The following TPO variants were observed in gnomAD, a reference collection of about 807,000 sequenced individuals.
TPO encodes the protein thyroid peroxidase, also known as thyroid microsomal antigen.
In TPO, 78 loss-of-function variants were observed where a neutral mutation model predicts 96.9. The ratio of observed to expected loss-of-function variants is 0.81; its 90% confidence interval spans 0.67 to 0.97. The LOEUF is 0.97. Among genes scored for constraint, TPO ranks in the 50% least tolerant of loss-of-function variants. TPO has a pLI of 0.00. For missense variants in TPO, 1,252 were observed against 1,274.8 expected, an observed-to-expected ratio of 0.98 and a Z score of 0.27; for synonymous variants, 547 against 538.0, an observed-to-expected ratio of 1.02 and a Z score of -0.23.
intron 8 of TPO, among the ~76,000 whole-genome samples, chr2:1,481,321 A>G (rs1670619923): frequency 2.0e-5 from 3 of 152,206 alleles, no homozygotes; most frequent in Non-Finnish European, 4.4e-5. Flanking sequence ...GGAGGTAGCC[A>G]TCCTCGGGGA....
At chr2:1,381,914 G>A (rs774398596) in intron 1 of TPO, among the ~76,000 whole-genome samples, 1 of 152,102 alleles carries the variant, frequency 6.6e-6, no homozygotes, top group African/African-American at 2.4e-5. Context: ...TCATGAAATT[G>A]TTGAGAATTA....
intron 15 of TPO, among the ~76,000 whole-genome samples, chr2:1,528,990 A>AAAATCCCCCCACTGTGAGTAACCTCCTC (rs1677319724): frequency 1.1e-5 from 1 of 88,706 alleles, no homozygotes; most frequent in South Asian, 4.1e-4. Context: ...GTAACCTCCT[A>AAAATCCCCCCACTGTGAGTAACCTCCTC]AAATCCCCCC....
chr2:1,496,447 C>G, intron 12 of TPO, 148 bp from the exon 13 acceptor site: 1 of 1,172,846 alleles, frequency 8.5e-7, no homozygotes, highest in South Asian at 1.3e-5. Context: ...GTGTGTGCTG[C>G]GTGGGTGCTC....
chr2:1,542,628 A>G lies in TPO; in HGVS notation c.*154A>G, dbSNP rs1680892187. 9.7e-6 allele frequency: 15 copies of G among 1,548,230 alleles called. No homozygotes were observed. Among genetic ancestry groups the G allele is most frequent in the Non-Finnish European group, 1.2e-5 (14 of 1,144,148 alleles). ...ATGTCGTAGTTACTCTCAGGCATGG[A>G]TGAATAAATGTTATAGCTGCATTTG... On this transcript the variant is annotated 3_prime_UTR_variant, in exon 17 of 17. Coordinates refer to ENST00000329066, the MANE Select transcript of TPO (RefSeq NM_001206744.2).
At chr2:1,462,053 C>T (rs1558315094) in intron 7 of TPO, among the ~76,000 whole-genome samples, 1 of 152,172 alleles carries the variant, frequency 6.6e-6, no homozygotes, top group South Asian at 2.1e-4. Context: ...GCCCGGTCAC[C>T]CCAGGTACCG....
At chr2:1,477,667 G>A in intron 8 of TPO, 63 bp downstream of exon 8, 3 of 1,427,192 alleles carry the variant, frequency 2.1e-6, no homozygotes, top group Non-Finnish European at 1.8e-6. Context: ...GCCTCGTGTG[G>A]GTGCGCAGCA....
intron 15 of TPO, among the ~76,000 whole-genome samples, chr2:1,536,833 A>G (rs970929570): frequency 1.3e-5 from 1 of 80,000 alleles, no homozygotes; most frequent in South Asian, 4.7e-4. Context: ...ACTGTGTGCA[A>G]CCTCCCCAAA....
chr2:1,420,210 A>G (rs1179816037), intron 2 of TPO, among the ~76,000 whole-genome samples: 1 of 152,242 alleles, frequency 6.6e-6, no homozygotes, highest in South Asian at 2.1e-4. Context: ...TTAAACTTGA[A>G]TAACAATATA....
upstream of TPO, among the ~76,000 whole-genome samples, chr2:1,410,169 A>G (rs1662310164): frequency 6.6e-6 from 1 of 152,240 alleles, no homozygotes; most frequent in Admixed American, 6.5e-5. Context: ...GAGGTGCTGT[A>G]TATGTTAATT....
intron 12 of TPO, 45 bp downstream of exon 12, chr2:1,496,242 T>G (rs748122892): frequency 1.3e-6 from 2 of 1,592,628 alleles, no homozygotes; most frequent in Admixed American, 3.4e-5. Context: ...CACGTGCATC[T>G]CATCAAACAA....
At chr2:1,466,309 T>G (rs1668891046) in intron 7 of TPO, among the ~76,000 whole-genome samples, 2 of 152,202 alleles carry the variant, frequency 1.3e-5, no homozygotes, top group African/African-American at 2.4e-5. Flanking sequence ...TTGTTAAGGA[T>G]TTTAGCATCT....
At chr2:1,540,763 A>G in intron 16 of TPO, 40 bp downstream of exon 16, 2 of 1,613,206 alleles carry the variant, frequency 1.2e-6, no homozygotes, top group Non-Finnish European at 8.5e-7. Context: ...CTGCCACCGC[A>G]GTGGTTGGAC....
At chr2:1,527,289 CCTCA>C (rs1160608520) in intron 15 of TPO, among the ~76,000 whole-genome samples, 2 of 143,096 alleles carry the variant, frequency 1.4e-5, no homozygotes, top group Non-Finnish European at 3.0e-5. Flanking sequence ...CCCCAAATCC[CCTCA>C]CTGTGTAACC....
At chr2:1,532,876 A>C (rs67444259) in intron 15 of TPO, among the ~76,000 whole-genome samples, 41,329 of 69,874 alleles carry the variant, frequency 0.59, 12,964 homozygotes, top group South Asian at 0.71. Context: ...CTCCTCAAAT[A>C]CCCCCAGTTT....
At position 1,529,992 on chromosome 2, in the gene TPO, C is replaced by A. The variant is rs1320897824; in HGVS notation, c.2619-10602C>A. On this transcript the variant is annotated intron_variant, in intron 15 of 16. Transcript: ENST00000329066. The stretch of plus-strand genomic sequence containing the variant: ...CGAAAACACCCCTCACTGTGTGCAA[C>A]CTCGCCCAATCACGACACTGTGTGC... Among the ~76,000 whole-genome samples the A allele has an allele frequency of 3.7e-5, 5 of 135,566 alleles. No homozygotes were observed. The Admixed American group carries it at 3.9e-4, about 11-fold the overall frequency. The allele number at this position is 135,566 out of a possible 152,430, so 88.9% of individuals were successfully genotyped here.
rs928581369 is a variant in TPO at position 1,477,367 on chromosome 2, G to A, written c.1101G>A (p.Val367=). The part of the protein sequence containing the change: ...RDSGRAYLPF[V]PPRAPAACAP... ...CCGGCCGCGCCTACCTGCCCTTCGT[G>A]CCGCCACGCGCGCCTGCGGCCTGTG... Residue 367 remains valine, a synonymous_variant, in exon 8 of 17, where the codon GTG becomes GTA. Transcript: ENST00000329066. The A allele has an allele frequency of 2.6e-6, 4 of 1,536,262 alleles. No homozygotes were observed. Among genetic ancestry groups the A allele is most frequent in the East Asian group, 4.9e-5 (2 of 40,962 alleles).
At chr2:1,493,357 G>A (rs148236326) in intron 10 of TPO, among the ~76,000 whole-genome samples, 310 of 152,266 alleles carry the variant, frequency 2.0e-3, no homozygotes, top group African/African-American at 7.1e-3. Context: ...TAGATGTCAC[G>A]GACTCAGCAT....
At chr2:1,502,896 AG>A (rs1251097068) in intron 13 of TPO, among the ~76,000 whole-genome samples, 2 of 152,156 alleles carry the variant, frequency 1.3e-5, no homozygotes, top group Non-Finnish European at 1.5e-5. Context: ...CGGGGTTAGG[AG>A]TGGGCAGTCC....
intron 4 of TPO, among the ~76,000 whole-genome samples, chr2:1,434,134 A>G (rs1665314762): frequency 6.6e-6 from 1 of 152,222 alleles, no homozygotes; most frequent in Admixed American, 6.5e-5. Flanking sequence ...TGCATAAACC[A>G]GGAGCAAATG....
Sources: allele counts gnomAD v4.1 joint callset (sites outside exome capture counted in the v4.1 genomes callset), GRCh38; gene constraint gnomAD v4.1.1; transcripts MANE v1.5; gene names NCBI Gene and HGNC (gene_info 2026-07-23, HGNC 2026-07-21).